KPNA4: variants seen among roughly 807,000 people sequenced by gnomAD.
The protein encoded by KPNA4 is importin subunit alpha-3.
Under a neutral mutation model 71.3 loss-of-function variants are expected in KPNA4, and 13 were observed. That is an observed-to-expected ratio of 0.18 (90% CI 0.12 to 0.29). The LOEUF (loss-of-function observed/expected upper bound fraction) is 0.29. KPNA4 is among the 10% of genes least tolerant of loss of function. The pLI is 1.00. For synonymous variants in KPNA4, 189 were observed against 195.2 expected, an observed-to-expected ratio of 0.97 and a Z score of 0.26; for missense variants, 334 against 603.2, an observed-to-expected ratio of 0.55 and a Z score of 4.67.
intron 14 of KPNA4, among the ~76,000 whole-genome samples, chr3:160,508,519 C>T (rs17236529): frequency 0.017 from 2,530 of 152,170 alleles, 35 homozygotes; most frequent in Non-Finnish European, 0.027. Context: ...TTAAACATTT[C>T]TTTGCCATAA....
rs779232576 is a variant in KPNA4, at chr3:160,496,716, A to G, written c.*5388T>C. ...GCTACAAAAGGTATAAAATTTGTGG[A>G]GAAGGCAAAAATTGGGGCAGAAAAT... On this transcript the variant is annotated 3_prime_UTR_variant, in exon 17 of 17. Coordinates refer to ENST00000334256, the MANE Select transcript of KPNA4 (RefSeq NM_002268.5). The G allele has an allele frequency of 6.6e-6, 1 of 152,246 alleles. No individual in the cohort carries two copies. Among genetic ancestry groups the G allele is most frequent in the Non-Finnish European group, 1.5e-5 (1 of 68,040 alleles). 9.4% of individuals were successfully genotyped at this position (152,246 alleles called of 1,614,324 possible).
chr3:160,564,822 G>A (rs1043130712), intron 1 of KPNA4, among the ~76,000 whole-genome samples: 8 of 151,548 alleles, frequency 5.3e-5, no homozygotes, highest in Non-Finnish European at 1.2e-4. Flanking sequence ...GTCGGTGCCC[G>A]AGCGAGAGCC....
At chr3:160,512,561 T>C (rs1432220382) in intron 13 of KPNA4, among the ~76,000 whole-genome samples, 1 of 152,140 alleles carries the variant, frequency 6.6e-6, no homozygotes, top group Non-Finnish European at 1.5e-5. Flanking sequence ...TAATAAACAA[T>C]AGCTGATAAA....
In KPNA4 at chr3:160,523,428, T is replaced by TAAAAA. The variant is rs532729099; in HGVS notation, c.772-1519_772-1518insTTTTT. ...GGACACCCAAGAGAAAATAAAAAAA[T>TAAAAA]AAGATAAAAAAAACCAAAAAGACAC... On this transcript the variant is annotated intron_variant, in intron 10 of 16. Coordinates refer to ENST00000334256, the MANE Select transcript of KPNA4 (RefSeq NM_002268.5). 1.3e-4 allele frequency among the ~76,000 whole-genome samples: 19 copies of TAAAAA among 151,876 alleles called. No homozygotes were observed. The South Asian group carries it at 3.3e-3, about 27-fold the overall frequency.
intron 10 of KPNA4, among the ~76,000 whole-genome samples, chr3:160,522,440 G>C (rs1317779924): frequency 6.6e-6 from 1 of 151,830 alleles, no homozygotes. Context: ...AGTTTGTTTT[G>C]CCTTACAGAA....
intron 1 of KPNA4, among the ~76,000 whole-genome samples, chr3:160,538,710 G>A (rs186882495): frequency 1.3e-5 from 2 of 152,158 alleles, no homozygotes; most frequent in East Asian, 3.9e-4. Context: ...ACCACTGCTT[G>A]GACCTTAGCT....
rs543232689 is a variant in KPNA4 at position 160,560,894 on chromosome 3, A to C, written c.69+4320T>G. On this transcript the variant is annotated intron_variant, in intron 1 of 16. Transcript: ENST00000334256. The stretch of plus-strand genomic sequence containing the variant: ...GACAGTAGTTATTTTAAGTATAGTA[A>C]ATATGTTCCAAGATTTGTGGTGAGA... Among the ~76,000 whole-genome samples, 18 of 152,190 alleles carry C rather than the reference A, an allele frequency of 1.2e-4. No homozygotes were observed. In the South Asian group the frequency reaches 3.5e-3, roughly 30 times the overall value.
At position 160,496,859 on chromosome 3, in the gene KPNA4, G is replaced by A. The variant is rs1313088718; in HGVS notation, c.*5245C>T. 2 of 152,092 alleles carry A rather than the reference G, an allele frequency of 1.3e-5. No individual in the cohort carries two copies. The highest frequency in any genetic ancestry group is 4.8e-5 in the African/African-American group (2 of 41,400). 9.4% of individuals were successfully genotyped at this position (152,092 alleles called of 1,614,324 possible). On this transcript the variant is annotated 3_prime_UTR_variant, in exon 17 of 17. Coordinates refer to ENST00000334256, the MANE Select transcript of KPNA4 (RefSeq NM_002268.5). Reference sequence around the variant, plus strand: ...TTACACCCAGAGCAGTAGCTGTCAAGTCAATTTTATTGAAAATACACTGGA... The same window carrying A: ...TTACACCCAGAGCAGTAGCTGTCAAATCAATTTTATTGAAAATACACTGGA...
At chr3:160,564,997 G>A (rs557744274) in intron 1 of KPNA4, among the ~76,000 whole-genome samples, 2 of 149,474 alleles carry the variant, frequency 1.3e-5, no homozygotes, top group Non-Finnish European at 3.0e-5. Context: ...AGGCCGCGCC[G>A]GCCGTACCCG....
At chr3:160,515,194 A>T (rs766375014) in intron 12 of KPNA4, 2 of 561,136 alleles carry the variant, frequency 3.6e-6, no homozygotes, top group Non-Finnish European at 6.9e-6. Context: ...ATTTCCAGTC[A>T]TACAACATTC....
Position 160,496,832 on chromosome 3 carries a change from T to G in KPNA4, c.*5272A>C, listed in dbSNP as rs1251339215. On this transcript the variant is annotated 3_prime_UTR_variant, in exon 17 of 17. Coordinates refer to ENST00000334256, the MANE Select transcript of KPNA4 (RefSeq NM_002268.5). ...TTTACTTTTCCTCACAGTCAACTGC[T>G]CTTACACCCAGAGCAGTAGCTGTCA... 1 of 152,204 alleles carries G rather than the reference T, an allele frequency of 6.6e-6. No individual in the cohort carries two copies. Among genetic ancestry groups the G allele is most frequent in the Admixed American group, 6.5e-5 (1 of 15,282 alleles). 9.4% of individuals were successfully genotyped at this position (152,204 alleles called of 1,614,324 possible). A position where few individuals can be genotyped will look rare whatever the true frequency, so the allele number is the denominator to read the frequency against.
chr3:160,510,796 A>G (rs113603270), intron 13 of KPNA4, among the ~76,000 whole-genome samples: 2 of 151,832 alleles, frequency 1.3e-5, no homozygotes, highest in African/African-American at 4.8e-5. Flanking sequence ...CTTACAAGCT[A>G]TTCTTTTTTT....
At chr3:160,546,997 G>GTGA (rs1335862109) in intron 1 of KPNA4, among the ~76,000 whole-genome samples, 1 of 152,180 alleles carries the variant, frequency 6.6e-6, no homozygotes, top group Admixed American at 6.5e-5. Context: ...TGTTTCCAGG[G>GTGA]TGAGCTTTTG....
intron 16 of KPNA4, among the ~76,000 whole-genome samples, chr3:160,504,328 A>C (rs1720939954): frequency 6.6e-6 from 1 of 152,224 alleles, no homozygotes; most frequent in Non-Finnish European, 1.5e-5. Context: ...AGAAATCATT[A>C]AAGAAATCCT....
At chr3:160,540,287 C>T (rs1320454434) in intron 1 of KPNA4, among the ~76,000 whole-genome samples, 7 of 152,180 alleles carry the variant, frequency 4.6e-5, no homozygotes, top group African/African-American at 1.7e-4. Flanking sequence ...GCGTGAGCCA[C>T]CGCGCCTGAC....
intron 5 of KPNA4, among the ~76,000 whole-genome samples, chr3:160,532,457 G>T (rs1464354317): frequency 6.6e-6 from 1 of 152,162 alleles, no homozygotes; most frequent in African/African-American, 2.4e-5. Flanking sequence ...AAGAGAAATG[G>T]AATAAGCACA....
chr3:160,528,268 G>A (rs1230381326), intron 7 of KPNA4, among the ~76,000 whole-genome samples: 1 of 151,820 alleles, frequency 6.6e-6, no homozygotes, highest in African/African-American at 2.4e-5. Context: ...AATTAGGCTT[G>A]TGAAATTTCA....
In KPNA4 at chr3:160,524,541, G is replaced by A. The variant is rs970626802; in HGVS notation, c.771+1259C>T. On this transcript the variant is annotated intron_variant, in intron 10 of 16. Transcript: ENST00000334256. ...GTATTTTTCATAGAGACAGGGTTTC[G>A]TCATGTTGCCCAGGCTGGTCTCGAA... 2.0e-5 allele frequency among the ~76,000 whole-genome samples: 3 copies of A among 151,700 alleles called. No homozygotes were observed. In the South Asian group the frequency reaches 6.3e-4, roughly 32 times the overall value.
At chr3:160,535,438 C>T (rs891446404) in intron 5 of KPNA4, 75 bp downstream of exon 5, 2 of 1,007,004 alleles carry the variant, frequency 2.0e-6, no homozygotes, top group African/African-American at 3.2e-5. Context: ...ACAGGGACTA[C>T]TCAATAGTAA....
Sources: gnomAD v4.1 joint callset for allele counts (sites outside exome capture counted in the v4.1 genomes callset) on GRCh38, gnomAD v4.1.1 for gene constraint, MANE v1.5 for transcripts, NCBI Gene and HGNC (gene_info 2026-07-23, HGNC 2026-07-21) for gene names.